RBFOX3: variants seen among roughly 807,000 people sequenced by gnomAD.
The protein encoded by RBFOX3 is RNA binding protein fox-1 homolog 3.
In RBFOX3, 17 loss-of-function variants were observed where a neutral mutation model predicts 48.7. The observed-to-expected ratio is 0.35, with a 90% CI of 0.24 to 0.52. RBFOX3 has a LOEUF of 0.52. Ranked by LOEUF, RBFOX3 falls within the 20% of genes least tolerant of loss-of-function variation. The probability of loss-of-function intolerance (pLI) is 0.94; values close to 1 mark genes in which losing one functional copy is unlikely to be tolerated. For synonymous variants in RBFOX3, 212 were observed against 209.5 expected, an observed-to-expected ratio of 1.01 and a Z score of -0.10; for missense variants, 382 against 497.5, an observed-to-expected ratio of 0.77 and a Z score of 2.21.
rs7215948 is a variant in RBFOX3, at chr17:79,254,021, G to A, written c.-73-18216C>T. On this transcript the variant is annotated intron_variant, in intron 3 of 14. Coordinates refer to ENST00000693108, the MANE Select transcript of RBFOX3 (RefSeq NM_001350451.2). The surrounding 1 kb of genome is among the most constrained non-coding windows in gnomAD (Gnocchi z 4.8). ...TCCCCCACGCAGCCTCTGAGGGCGG[G>A]TATGGGAGGGAGCCTTCTCCCCAGC... 1.6e-3 allele frequency among the ~76,000 whole-genome samples: 238 copies of A among 152,286 alleles called. 1 individual carries two copies. Among genetic ancestry groups the A allele is most frequent in the African/African-American group, 5.3e-3 (220 of 41,572 alleles).
chr17:79,513,642 A>G (rs2084829455), intron 1 of RBFOX3, among the ~76,000 whole-genome samples: 1 of 152,204 alleles, frequency 6.6e-6, no homozygotes. Context: ...GCCTCTTACC[A>G]GCCACGTGGC....
chr17:79,272,796 A>G (rs1043818169), intron 3 of RBFOX3, among the ~76,000 whole-genome samples: 2 of 152,198 alleles, frequency 1.3e-5, no homozygotes, highest in Non-Finnish European at 2.9e-5. Flanking sequence ...GGATGCAGGA[A>G]GCTGGGGCTT....
intron 3 of RBFOX3, among the ~76,000 whole-genome samples, chr17:79,269,200 G>A (rs1198480475): frequency 1.3e-5 from 2 of 152,210 alleles, no homozygotes; most frequent in African/African-American, 2.4e-5. Flanking sequence ...TCCCCGCCAA[G>A]TAATGCCCGG....
At chr17:79,261,424 G>C (rs1297757310) in intron 3 of RBFOX3, among the ~76,000 whole-genome samples, 1 of 152,218 alleles carries the variant, frequency 6.6e-6, no homozygotes, top group East Asian at 1.9e-4. Flanking sequence ...CTTGCAGAAA[G>C]TGGTGTTCTG....
At chr17:79,582,195 C>G (rs2093089675) in intron 1 of RBFOX3, among the ~76,000 whole-genome samples, 1 of 146,054 alleles carries the variant, frequency 6.8e-6, no homozygotes, top group African/African-American at 2.5e-5. Flanking sequence ...CACGTGCCTG[C>G]CCGTGTATGT....
At position 79,259,353 on chromosome 17, in the gene RBFOX3, G is replaced by C. The variant is rs533385073; in HGVS notation, c.-73-23548C>G. 9.8e-5 allele frequency among the ~76,000 whole-genome samples: 15 copies of C among 152,344 alleles called. No individual in the cohort carries two copies. The East Asian group carries it at 1.4e-3, about 14-fold the overall frequency. ...TGCAGGACCCGCAGCCCTGTGGCAA[G>C]AGGGTGTGTTCTGGGGTCCCTGCCC... On this transcript the variant is annotated intron_variant, in intron 3 of 14. Transcript: ENST00000693108.
chr17:79,387,050 C>T (rs2060652379), intron 2 of RBFOX3, among the ~76,000 whole-genome samples: 2 of 152,188 alleles, frequency 1.3e-5, no homozygotes, highest in Admixed American at 6.5e-5. Flanking sequence ...CAGGCCAGTA[C>T]CTCTAGTACT....
intron 1 of RBFOX3, among the ~76,000 whole-genome samples, chr17:79,513,451 G>GCCATGGCCA (rs2084800210): frequency 6.6e-6 from 1 of 152,004 alleles, no homozygotes; most frequent in South Asian, 2.1e-4. Flanking sequence ...GCATGGCTGT[G>GCCATGGCCA]CCATGGCCAG....
intron 3 of RBFOX3, among the ~76,000 whole-genome samples, chr17:79,263,871 G>C (rs1401122432): frequency 6.6e-6 from 1 of 152,062 alleles, no homozygotes; most frequent in East Asian, 1.9e-4. Context: ...ACTAAATGAA[G>C]GATGATAAAA....
At chr17:79,336,961 A>G in intron 2 of RBFOX3, among the ~76,000 whole-genome samples, 1 of 152,104 alleles carries the variant, frequency 6.6e-6, no homozygotes, top group East Asian at 1.9e-4. Flanking sequence ...CTCTACTAAT[A>G]ATACAAAAAT....
chr17:79,197,267 T>C (rs116147819), intron 4 of RBFOX3, among the ~76,000 whole-genome samples: 1,748 of 152,320 alleles, frequency 0.011, 33 homozygotes, highest in African/African-American at 0.04. Context: ...TGTCTCCCGC[T>C]ACATCTTTCT....
rs2058754676 is a variant in RBFOX3 at position 79,214,470 on chromosome 17, A to G, written c.-34+21296T>C. ...AGCCCTTTGGATCAGTGTGACTGGG[A>G]GGACGCTGCTGCCCACCCTGGCACC... On this transcript the variant is annotated intron_variant, in intron 4 of 14. Transcript: ENST00000693108. This position sits in a 1 kb window ranked among gnomAD's most constrained non-coding sequence, Gnocchi z 4.7. 6.6e-6 allele frequency among the ~76,000 whole-genome samples: 1 copy of G among 151,966 alleles called. No individual in the cohort carries two copies. The highest frequency in any genetic ancestry group is 1.5e-5 in the Non-Finnish European group (1 of 67,982).
At chr17:79,491,072 G>A (rs2080472053) in intron 1 of RBFOX3, among the ~76,000 whole-genome samples, 1 of 5,168 alleles carries the variant, frequency 1.9e-4, no homozygotes, top group Non-Finnish European at 3.3e-4. Flanking sequence ...GGGAGGGGAG[G>A]GGAGGCGAGG....
At chr17:79,133,120 G>C (rs1180552152) in intron 4 of RBFOX3, among the ~76,000 whole-genome samples, 1 of 152,186 alleles carries the variant, frequency 6.6e-6, no homozygotes, top group Non-Finnish European at 1.5e-5. Flanking sequence ...CCAGGGAGGA[G>C]GGGGAGCTCA....
intron 2 of RBFOX3, among the ~76,000 whole-genome samples, chr17:79,413,097 G>T (rs555229985): frequency 2.6e-5 from 4 of 152,150 alleles, no homozygotes; most frequent in African/African-American, 9.7e-5. Context: ...AGCAGGGAGG[G>T]GGAAAGGGGG....
upstream of RBFOX3, among the ~76,000 whole-genome samples, chr17:79,613,954 A>C (rs2093984280): frequency 2.0e-5 from 3 of 152,182 alleles, no homozygotes; most frequent in African/African-American, 7.2e-5. Context: ...TCCAGCCTGG[A>C]CAACAAGAGT....
At chr17:79,553,999 G>A (rs2091389196) in intron 1 of RBFOX3, among the ~76,000 whole-genome samples, 1 of 152,228 alleles carries the variant, frequency 6.6e-6, no homozygotes, top group South Asian at 2.1e-4. Flanking sequence ...CTCCCAAAAT[G>A]CTGGGATTAC....
intron 4 of RBFOX3, among the ~76,000 whole-genome samples, chr17:79,159,589 C>T (rs2046528599): frequency 6.6e-6 from 1 of 152,172 alleles, no homozygotes; most frequent in Non-Finnish European, 1.5e-5. Flanking sequence ...CAGCTGAATC[C>T]AGGAAATTGA....
chr17:79,098,032 C>T (rs1406460911), intron 9 of RBFOX3: 2 of 432,872 alleles, frequency 4.6e-6, no homozygotes, highest in African/African-American at 2.0e-5. Context: ...GCGTCATCCC[C>T]CGAAGCCTGG....
Sources: allele counts gnomAD v4.1 joint callset (sites outside exome capture counted in the v4.1 genomes callset), GRCh38; gene constraint gnomAD v4.1.1; non-coding constraint Gnocchi (gnomAD v3.1); transcripts MANE v1.5; gene names NCBI Gene and HGNC (gene_info 2026-07-23, HGNC 2026-07-21).